Variants in TANC2 observed in about 807,000 individuals in gnomAD.
TANC2 encodes the protein protein TANC2.
In TANC2, 26 loss-of-function variants were observed where a neutral mutation model predicts 210.5. The observed-to-expected ratio is 0.12, with a 90% CI of 0.09 to 0.17. The LOEUF is 0.17. Among genes scored for constraint, TANC2 ranks in the 10% least tolerant of loss-of-function variants. The pLI is 1.00. For synonymous variants in TANC2, 931 were observed against 967.1 expected, an observed-to-expected ratio of 0.96 and a Z score of 0.69; for missense variants, 2,129 against 2,608.9, an observed-to-expected ratio of 0.82 and a Z score of 4.01.
chr17:63,310,186 A>G (rs1477895178), intron 9 of TANC2, among the ~76,000 whole-genome samples: 1 of 152,138 alleles, frequency 6.6e-6, no homozygotes, highest in Non-Finnish European at 1.5e-5. Flanking sequence ...GGTGGCTCAC[A>G]CAGTAATCCC....
chr17:63,291,928 G>A (rs572047343), intron 9 of TANC2, among the ~76,000 whole-genome samples: 5 of 152,306 alleles, frequency 3.3e-5, no homozygotes, highest in Admixed American at 2.6e-4. Flanking sequence ...TAGTTGTAAT[G>A]ATTAAGGAGG....
At chr17:63,232,672 G>T (rs551358421) in intron 7 of TANC2, among the ~76,000 whole-genome samples, 1 of 152,180 alleles carries the variant, frequency 6.6e-6, no homozygotes, top group African/African-American at 2.4e-5. Context: ...CGATGTCAGC[G>T]GGAACCCTCC....
At chr17:63,085,234 C>G (rs2036915892) in intron 3 of TANC2, among the ~76,000 whole-genome samples, 1 of 152,084 alleles carries the variant, frequency 6.6e-6, no homozygotes, top group Non-Finnish European at 1.5e-5. Context: ...TTGTAAGTAA[C>G]ACATTAGTTG....
chr17:63,073,465 TATTG>T (rs2036468797), intron 2 of TANC2, among the ~76,000 whole-genome samples: 1 of 152,172 alleles, frequency 6.6e-6, no homozygotes, highest in African/African-American at 2.4e-5. Flanking sequence ...TTTTAGCTTT[TATTG>T]ATTTATTTTA....
chr17:63,045,083 G>A (rs1256076892), intron 2 of TANC2, among the ~76,000 whole-genome samples: 1 of 152,102 alleles, frequency 6.6e-6, no homozygotes, highest in Non-Finnish European at 1.5e-5. Context: ...AGAATAAAAT[G>A]TTGCAACCTA....
At chr17:63,180,687 G>A (rs2040750504) in intron 5 of TANC2, among the ~76,000 whole-genome samples, 2 of 152,040 alleles carry the variant, frequency 1.3e-5, no homozygotes, top group South Asian at 4.1e-4. Flanking sequence ...AATATTTCTT[G>A]AATGCCTCCT....
In TANC2 at chr17:63,412,512, T is replaced by C. The variant is rs2048735411; in HGVS notation, c.3899-168T>C. On this transcript the variant is annotated intron_variant, in intron 23 of 27. Coordinates refer to ENST00000689528, the Ensembl canonical transcript of TANC2. This position sits in a 1 kb window ranked among gnomAD's most constrained non-coding sequence, Gnocchi z 4.2. Reference sequence around the variant, plus strand: ...TTCAGACTCAAGTCCCTGCTGCCGCTGTCCCAGCTGCTCCCCAAGCCCACA... The same window carrying C: ...TTCAGACTCAAGTCCCTGCTGCCGCCGTCCCAGCTGCTCCCCAAGCCCACA... Among the ~76,000 whole-genome samples, 1 of 152,166 alleles carries C rather than the reference T, an allele frequency of 6.6e-6. No homozygotes were observed. The highest frequency in any genetic ancestry group is 2.1e-4 in the South Asian group (1 of 4,822).
intron 8 of TANC2, among the ~76,000 whole-genome samples, chr17:63,247,190 T>C (rs891521406): frequency 2.6e-5 from 4 of 152,110 alleles, no homozygotes; most frequent in Non-Finnish European, 5.9e-5. Context: ...ACATCAGACA[T>C]GTATTTGCAA....
intron 5 of TANC2, among the ~76,000 whole-genome samples, chr17:63,164,390 A>C (rs17683453): frequency 0.38 from 58,301 of 151,842 alleles, 11,770 homozygotes; most frequent in Non-Finnish European, 0.45. Flanking sequence ...ATTTTTAGTC[A>C]ATATACTTTT....
At chr17:63,095,707 A>G (rs891310010) in intron 3 of TANC2, among the ~76,000 whole-genome samples, 1 of 152,150 alleles carries the variant, frequency 6.6e-6, no homozygotes, top group African/African-American at 2.4e-5. Flanking sequence ...CATACAGGCA[A>G]TGTAAACCAC....
chr17:63,376,814 C>CTTTT (rs771564600), intron 14 of TANC2, among the ~76,000 whole-genome samples: 2 of 125,974 alleles, frequency 1.6e-5, no homozygotes, highest in Admixed American at 8.0e-5. Flanking sequence ...CCACTGTACT[C>CTTTT]TTTTTTTTTT....
chr17:63,052,955 G>A (rs1288040403), intron 2 of TANC2, among the ~76,000 whole-genome samples: 1 of 152,120 alleles, frequency 6.6e-6, no homozygotes, highest in Admixed American at 6.5e-5. Flanking sequence ...ACTATTCTGA[G>A]CTCTCCGGCT....
chr17:62,974,798 A>G (rs138021628), intron 1 of TANC2, among the ~76,000 whole-genome samples: 3 of 152,310 alleles, frequency 2.0e-5, no homozygotes, highest in Non-Finnish European at 4.4e-5. Flanking sequence ...TTATGTGGCA[A>G]AGTGTTATGA....
At chr17:63,116,910 AT>A (rs1262710458) in intron 4 of TANC2, 1 of 152,260 alleles carries the variant, frequency 6.6e-6, no homozygotes, top group South Asian at 2.1e-4. Flanking sequence ...CCTCAATTGC[AT>A]TTTTTGTTGG....
exon 12 of TANC2, chr17:63,340,193 A>G: frequency 1.9e-6 from 3 of 1,613,856 alleles, no homozygotes; most frequent in Non-Finnish European, 2.5e-6. Flanking sequence ...TCTGCCGCTC[A>G]CCTCAGCTGA....
At chr17:63,385,957 A>G (rs2047764748) in intron 15 of TANC2, among the ~76,000 whole-genome samples, 1 of 152,226 alleles carries the variant, frequency 6.6e-6, no homozygotes, top group Non-Finnish European at 1.5e-5. Context: ...TTAGGATAGA[A>G]TGGAACGAGA....
chr17:63,258,635 G>A (rs1409266792), intron 8 of TANC2, among the ~76,000 whole-genome samples: 1 of 152,120 alleles, frequency 6.6e-6, no homozygotes, highest in East Asian at 1.9e-4. Flanking sequence ...CCCATGGCAA[G>A]TACTGCCTGG....
chr17:63,170,630 C>T (rs189640355), intron 5 of TANC2, among the ~76,000 whole-genome samples: 36 of 152,178 alleles, frequency 2.4e-4, no homozygotes, highest in South Asian at 8.3e-4. Flanking sequence ...CACAATGAAG[C>T]TAGACAGGAG....
intron 9 of TANC2, among the ~76,000 whole-genome samples, chr17:63,273,417 G>A (rs561045197): frequency 1.6e-4 from 25 of 152,236 alleles, no homozygotes; most frequent in African/African-American, 5.5e-4. Flanking sequence ...AATAGGGATT[G>A]TTGAAATAAC....
Sources: allele counts gnomAD v4.1 joint callset (sites outside exome capture counted in the v4.1 genomes callset), GRCh38; gene constraint gnomAD v4.1.1; non-coding constraint Gnocchi (gnomAD v3.1); transcripts MANE v1.5; gene names NCBI Gene and HGNC (gene_info 2026-07-23, HGNC 2026-07-21).